Variants in GMDS observed in about 807,000 individuals in gnomAD.
The protein encoded by GMDS is GDP-mannose 4,6 dehydratase.
In GMDS, 20 loss-of-function variants were observed where a neutral mutation model predicts 49.9. That is an observed-to-expected ratio of 0.40 (90% CI 0.28 to 0.58). The LOEUF (loss-of-function observed/expected upper bound fraction) is 0.58, where lower values mean the gene tolerates loss of function less well. GMDS is among the 20% of genes least tolerant of loss of function. GMDS has a pLI of 0.42. For synonymous variants in GMDS, 177 were observed against 178.6 expected (o/e 0.99, Z 0.07); for missense variants, 362 against 481.4 (o/e 0.75, Z 2.32).
Position 1,766,277 on chromosome 6 carries a change from G to A in GMDS, c.772-23691C>T, listed in dbSNP as rs1157393174. On this transcript the variant is annotated intron_variant, in intron 7 of 10. Coordinates refer to ENST00000380815, the MANE Select transcript of GMDS (RefSeq NM_001500.4). The surrounding 1 kb of genome is among the most constrained non-coding windows in gnomAD (Gnocchi z 4.5). ...GCATTGAGTCACTGGAAATTGGACA[G>A]GAGCAAAGACCACAGAACTTTCGAG... Among the ~76,000 whole-genome samples the A allele has an allele frequency of 6.6e-6, 1 of 152,162 alleles. No individual in the cohort carries two copies. Among genetic ancestry groups the A allele is most frequent in the Non-Finnish European group, 1.5e-5 (1 of 68,030 alleles).
intron 4 of GMDS, among the ~76,000 whole-genome samples, chr6:1,963,039 G>A (rs1219758317): frequency 6.6e-6 from 1 of 151,512 alleles, no homozygotes; most frequent in African/African-American, 2.4e-5. Flanking sequence ...ACCACGCCCA[G>A]CTAATTTTTG....
chr6:2,122,354 A>C (rs886697205), intron 2 of GMDS, among the ~76,000 whole-genome samples: 23 of 152,196 alleles, frequency 1.5e-4, no homozygotes, highest in Admixed American at 1.2e-3. Flanking sequence ...TCTGATGCAC[A>C]CTAAAGGCTG....
intron 4 of GMDS, among the ~76,000 whole-genome samples, chr6:2,000,676 T>G (rs1428294264): frequency 6.6e-6 from 1 of 152,154 alleles, no homozygotes; most frequent in Non-Finnish European, 1.5e-5. Flanking sequence ...TAGTGGTTCT[T>G]TGAGAGACAG....
intron 4 of GMDS, among the ~76,000 whole-genome samples, chr6:1,968,676 C>T (rs1055945284): frequency 6.6e-6 from 1 of 152,100 alleles, no homozygotes. Context: ...AGTGGTCTGC[C>T]AACACTGACC....
rs534989644 is a variant in GMDS, at chr6:2,231,510, G to A, written c.102+13811C>T. On this transcript the variant is annotated intron_variant, in intron 1 of 10. Transcript: ENST00000380815. ...GCCCAGGAGGCGGAGGTTGCAGTGAGCTGAGATGGCTCCACTGCTTTTCAG... is the reference window on the plus strand; with the variant it reads ...GCCCAGGAGGCGGAGGTTGCAGTGAACTGAGATGGCTCCACTGCTTTTCAG... Among the ~76,000 whole-genome samples the A allele has an allele frequency of 1.6e-3, 249 of 152,298 alleles. 1 individual carries two copies. The highest frequency in any genetic ancestry group is 3.1e-3 in the Non-Finnish European group (211 of 68,020).
At chr6:1,691,460 G>T (rs754941253) in intron 9 of GMDS, among the ~76,000 whole-genome samples, 5 of 152,002 alleles carry the variant, frequency 3.3e-5, no homozygotes, top group Non-Finnish European at 7.4e-5. Context: ...CATGGCATAC[G>T]TTCACCTAAG....
At chr6:1,908,299 G>C (rs1022396305) in intron 7 of GMDS, among the ~76,000 whole-genome samples, 2 of 152,198 alleles carry the variant, frequency 1.3e-5, no homozygotes, top group African/African-American at 4.8e-5. Context: ...AATATTTTCA[G>C]ATCACGGTTG....
intron 7 of GMDS, among the ~76,000 whole-genome samples, chr6:1,767,250 T>C (rs1190728566): frequency 7.4e-6 from 1 of 135,680 alleles, no homozygotes; most frequent in African/African-American, 2.9e-5. Context: ...CTTTGTAAAA[T>C]GGCTAATTAC....
At chr6:1,926,498 G>A (rs1028816208) in intron 7 of GMDS, among the ~76,000 whole-genome samples, 9 of 152,208 alleles carry the variant, frequency 5.9e-5, no homozygotes, top group Non-Finnish European at 8.8e-5. Context: ...TAATTAAAAC[G>A]TGTGTGTAAA....
intron 7 of GMDS, among the ~76,000 whole-genome samples, chr6:1,757,837 T>G (rs1768008260): frequency 6.6e-6 from 1 of 152,240 alleles, no homozygotes; most frequent in African/African-American, 2.4e-5. Flanking sequence ...AAATTTTCTA[T>G]CAGTTGCATT....
At chr6:1,770,277 G>A (rs1336809104) in intron 7 of GMDS, among the ~76,000 whole-genome samples, 1 of 152,164 alleles carries the variant, frequency 6.6e-6, no homozygotes, top group African/African-American at 2.4e-5. Flanking sequence ...TAGACCCTAG[G>A]TTAGGAAATT....
At chr6:1,903,076 T>C (rs546344089) in intron 7 of GMDS, among the ~76,000 whole-genome samples, 42 of 152,058 alleles carry the variant, frequency 2.8e-4, no homozygotes, top group Non-Finnish European at 1.2e-4. Context: ...AGATTCACTT[T>C]GTTTTATTTA....
At chr6:2,183,619 A>G (rs1177042090) in intron 1 of GMDS, among the ~76,000 whole-genome samples, 1 of 152,244 alleles carries the variant, frequency 6.6e-6, no homozygotes, top group Admixed American at 6.5e-5. Context: ...GTTTGAGAAG[A>G]TTGATTCCCT....
intron 1 of GMDS, among the ~76,000 whole-genome samples, chr6:2,165,224 T>C (rs1368426382): frequency 1.3e-5 from 2 of 152,138 alleles, no homozygotes; most frequent in Admixed American, 6.5e-5. Flanking sequence ...ATAGGACCAA[T>C]AAAGTGTGTG....
chr6:2,124,285 T>C (rs975990978), intron 2 of GMDS, among the ~76,000 whole-genome samples: 5 of 152,198 alleles, frequency 3.3e-5, no homozygotes, highest in Admixed American at 6.5e-5. Flanking sequence ...TTCATTCAAG[T>C]TTGCCAACAA....
At chr6:2,178,809 GA>G (rs1778397359) in intron 1 of GMDS, among the ~76,000 whole-genome samples, 1 of 152,192 alleles carries the variant, frequency 6.6e-6, no homozygotes, top group East Asian at 1.9e-4. Flanking sequence ...CAATGTCTTT[GA>G]ACATCCACAG....
chr6:2,143,135 A>G (rs1006354422), intron 1 of GMDS, among the ~76,000 whole-genome samples: 1 of 152,222 alleles, frequency 6.6e-6, no homozygotes, highest in Non-Finnish European at 1.5e-5. Context: ...TATTTGCTCC[A>G]TAAATTAAAA....
intron 7 of GMDS, among the ~76,000 whole-genome samples, chr6:1,865,220 C>T (rs1396558053): frequency 6.6e-6 from 1 of 152,174 alleles, no homozygotes; most frequent in African/African-American, 2.4e-5. Context: ...TTCATTTTGT[C>T]CTTAATTATA....
At chr6:2,232,928 C>T (rs999365007) in intron 1 of GMDS, among the ~76,000 whole-genome samples, 1 of 152,106 alleles carries the variant, frequency 6.6e-6, no homozygotes, top group African/African-American at 2.4e-5. Context: ...AAACCTTTCC[C>T]AGATCTAAGG....
Sources: gnomAD v4.1 joint callset for allele counts (sites outside exome capture counted in the v4.1 genomes callset) on GRCh38, gnomAD v4.1.1 for gene constraint, Gnocchi (gnomAD v3.1) non-coding constraint, MANE v1.5 for transcripts, NCBI Gene and HGNC (gene_info 2026-07-23, HGNC 2026-07-21) for gene names.